The following DDX46 variants were observed in gnomAD, a reference collection of about 807,000 sequenced individuals.
DDX46 encodes probable ATP-dependent RNA helicase DDX46.
In DDX46, 30 loss-of-function variants were observed where a neutral mutation model predicts 134.9. That is an observed-to-expected ratio of 0.22 (90% CI 0.17 to 0.30). The LOEUF (loss-of-function observed/expected upper bound fraction) is 0.30. DDX46 is among the 10% of genes least tolerant of loss of function. The pLI is 1.00. For synonymous variants in DDX46, 415 were observed against 404.1 expected (o/e 1.03, Z -0.32); for missense variants, 622 against 1,248.7 (o/e 0.50, Z 7.56).
At chr5:134,769,068 C>T (rs1431927676) in intron 3 of DDX46, among the ~76,000 whole-genome samples, 1 of 151,990 alleles carries the variant, frequency 6.6e-6, no homozygotes, top group Non-Finnish European at 1.5e-5. Flanking sequence ...AAAAAAATCC[C>T]CTAAAATCAT....
At position 134,812,313 on chromosome 5, in the gene DDX46, C is replaced by T. The variant is rs148710898; in HGVS notation, c.2436+468C>T. 8.3e-3 allele frequency among the ~76,000 whole-genome samples: 1,260 copies of T among 152,174 alleles called. 18 individuals carry two copies. The highest frequency in any genetic ancestry group is 0.028 in the African/African-American group (1,148 of 41,522). ...TTCCTGACCTCAAGTGATCCGCTTT[C>T]CTTGGCCTCCCAAAGTGCTGGGATT... On this transcript the variant is annotated intron_variant, in intron 18 of 22. Coordinates refer to ENST00000452510, the MANE Select transcript of DDX46 (RefSeq NM_001300860.2).
intron 2 of DDX46, 143 bp from the exon 3 acceptor site, chr5:134,766,774 A>T: frequency 2.0e-6 from 2 of 983,970 alleles, no homozygotes; most frequent in Non-Finnish European, 2.9e-6. Context: ...TTGAGCACTT[A>T]TAAGACTTGG....
In DDX46 at chr5:134,759,040, C is replaced by G. The variant is rs551657254; in HGVS notation, c.17+85C>G. 37 of 1,575,526 alleles carry G rather than the reference C, an allele frequency of 2.3e-5. No homozygotes were observed. The East Asian group carries it at 8.1e-4, about 34-fold the overall frequency. ...GCGGGAGTTGAGGTGGCCGCCGGGC[C>G]AGGCCTGGCGCGGCCCCACGTGCGG... On this transcript the variant is annotated intron_variant, in intron 1 of 22. Coordinates refer to ENST00000452510, the MANE Select transcript of DDX46 (RefSeq NM_001300860.2).
chr5:134,786,065 T>A (rs1445913937), intron 11 of DDX46, among the ~76,000 whole-genome samples: 4 of 152,080 alleles, frequency 2.6e-5, no homozygotes, highest in Non-Finnish European at 4.4e-5. Flanking sequence ...GCCAGATTGG[T>A]CTTGAACACC....
intron 6 of DDX46, chr5:134,780,885 C>A: frequency 1.3e-5 from 3 of 231,512 alleles, no homozygotes; most frequent in Non-Finnish European, 2.5e-5. Context: ...AAAAAATTAA[C>A]TGGGTTTGGT....
At chr5:134,783,397 G>A (rs981923370) in intron 9 of DDX46, among the ~76,000 whole-genome samples, 1 of 147,564 alleles carries the variant, frequency 6.8e-6, no homozygotes, top group Non-Finnish European at 1.5e-5. Context: ...GAAACTATAG[G>A]TGTGTGCCAC....
rs766715661 is a variant in DDX46, at chr5:134,764,085, C to T, written c.199C>T (p.Arg67Cys). ...KRRSRSRDRK[R>C]LRRSRSRERD... is the part of the protein sequence containing the mutation. The stretch of plus-strand genomic sequence containing the variant: ...AAGATCTCGGTCAAGGGACAGGAAG[C>T]GTCTGAGGTAAGACATTAATTAATT... The change falls in exon 2 of 23, where the codon CGT (arginine) becomes TGT (cysteine). Residue 67 changes from arginine (R) to cysteine (C), a missense_variant. Physicochemically the swap from Arg to Cys is radical, Grantham distance 180. Transcript: ENST00000452510. 5 of 1,608,240 alleles carry T rather than the reference C, an allele frequency of 3.1e-6. No individual in the cohort carries two copies. Among genetic ancestry groups the T allele is most frequent in the Non-Finnish European group, 8.5e-7 (1 of 1,177,368 alleles).
intron 15 of DDX46, among the ~76,000 whole-genome samples, chr5:134,801,032 C>G (rs150669438): frequency 6.6e-6 from 1 of 152,058 alleles, no homozygotes; most frequent in East Asian, 1.9e-4. Context: ...GCCTGTAATC[C>G]CAGCACTTTG....
At chr5:134,798,862 C>T (rs1309018990) in intron 15 of DDX46, among the ~76,000 whole-genome samples, 2 of 152,202 alleles carry the variant, frequency 1.3e-5, no homozygotes, top group African/African-American at 4.8e-5. Flanking sequence ...ACAGCCAGCC[C>T]TTCGTGTCCA....
chr5:134,780,643 TATGA>T (rs1398559246), intron 6 of DDX46: 3 of 150,634 alleles, frequency 2.0e-5, no homozygotes, highest in Non-Finnish European at 4.4e-5. Flanking sequence ...TACAGTAAAT[TATGA>T]ATGGATGTAT....
At chr5:134,792,477 T>C (rs953453801) in intron 13 of DDX46, among the ~76,000 whole-genome samples, 2 of 152,160 alleles carry the variant, frequency 1.3e-5, no homozygotes, top group African/African-American at 4.8e-5. Context: ...AGGGGTCTGT[T>C]TGTTGTGGTA....
intron 6 of DDX46, chr5:134,778,020 C>CT (rs558645191): frequency 0.04 from 6,076 of 150,778 alleles, 98 homozygotes; most frequent in Non-Finnish European, 0.048. Flanking sequence ...CTTTGATACT[C>CT]TTTTTTTTTT....
intron 1 of DDX46, 44 bp from the exon 2 acceptor site, chr5:134,763,860 G>T (rs1385016418): frequency 6.5e-7 from 1 of 1,548,442 alleles, no homozygotes; most frequent in African/African-American, 1.4e-5. Context: ...TGTAATAGAA[G>T]CTAATGGTGT....
chr5:134,814,480 C>T (rs1158762038), intron 18 of DDX46, among the ~76,000 whole-genome samples: 2 of 152,126 alleles, frequency 1.3e-5, no homozygotes, highest in East Asian at 3.9e-4. Context: ...TATACTTCCC[C>T]CTTTCCTGAT....
chr5:134,779,145 C>G (rs1326468190), intron 6 of DDX46, among the ~76,000 whole-genome samples: 1 of 152,022 alleles, frequency 6.6e-6, no homozygotes, highest in African/African-American at 2.4e-5. Flanking sequence ...GATCCACCTG[C>G]CTTGGCCTCC....
chr5:134,788,735 G>T, intron 12 of DDX46, 144 bp downstream of exon 12: 1 of 697,900 alleles, frequency 1.4e-6, no homozygotes, highest in Non-Finnish European at 2.4e-6. Context: ...TGTAGTCCCA[G>T]CTACTTGGGA....
intron 15 of DDX46, 59 bp from the exon 16 acceptor site, chr5:134,807,689 T>C (rs1755030981): frequency 2.0e-6 from 3 of 1,486,656 alleles, no homozygotes; most frequent in Non-Finnish European, 1.8e-6. Context: ...AGATTCTTGG[T>C]CAGAAGACAT....
intron 15 of DDX46, among the ~76,000 whole-genome samples, chr5:134,806,077 G>A (rs1754979519): frequency 6.6e-6 from 1 of 152,114 alleles, no homozygotes. Flanking sequence ...GCCAGGCATG[G>A]TGACAGTCAC....
intron 21 of DDX46, 118 bp from the exon 22 acceptor site, chr5:134,826,829 C>G (rs1755604395): frequency 4.7e-6 from 4 of 842,356 alleles, no homozygotes; most frequent in Non-Finnish European, 7.1e-6. Flanking sequence ...GCTATCTTGG[C>G]AGGCAGTACA....
Sources: gnomAD v4.1 joint callset for allele counts (sites outside exome capture counted in the v4.1 genomes callset) on GRCh38, gnomAD v4.1.1 for gene constraint, MANE v1.5 for transcripts, NCBI Gene and HGNC (gene_info 2026-07-23, HGNC 2026-07-21) for gene names.